PRKCA: variants seen among roughly 807,000 people sequenced by gnomAD.
PRKCA encodes protein kinase C alpha type.
PRKCA carries 27 observed loss-of-function variants against 87.0 expected under a neutral mutation model. The observed-to-expected ratio is 0.31, with a 90% confidence interval of 0.23 to 0.43. The LOEUF is 0.43. Among genes scored for constraint, PRKCA ranks in the 20% least tolerant of loss-of-function variants. The probability of loss-of-function intolerance (pLI) is 1.00; values close to 1 mark genes in which losing one functional copy is unlikely to be tolerated. For synonymous variants in PRKCA, 329 were observed against 311.1 expected (o/e 1.06, Z -0.61); for missense variants, 518 against 852.3 (o/e 0.61, Z 4.88).
At chr17:66,461,998 G>C (rs116842637) in intron 2 of PRKCA, among the ~76,000 whole-genome samples, 2,548 of 152,198 alleles carry the variant, frequency 0.017, 40 homozygotes, top group Non-Finnish European at 0.023. Flanking sequence ...TCCTGTTTCC[G>C]TGAACAGTGT....
chr17:66,503,699 A>T (rs1198352491), intron 3 of PRKCA, among the ~76,000 whole-genome samples: 2 of 152,232 alleles, frequency 1.3e-5, no homozygotes, highest in Admixed American at 1.3e-4. Context: ...CTCTTTCTCC[A>T]GTCCTTTTCA....
At chr17:66,370,551 T>A (rs1909041389) in intron 2 of PRKCA, among the ~76,000 whole-genome samples, 2 of 136,808 alleles carry the variant, frequency 1.5e-5, no homozygotes, top group South Asian at 4.7e-4. Context: ...TTTCTTTTCT[T>A]TTTTTTTTTT....
At chr17:66,762,610 C>G (rs1170443202) in intron 13 of PRKCA, among the ~76,000 whole-genome samples, 1 of 152,114 alleles carries the variant, frequency 6.6e-6, no homozygotes, top group Non-Finnish European at 1.5e-5. Context: ...TTCTCCCCTG[C>G]TGCGGGGCTT....
intron 8 of PRKCA, among the ~76,000 whole-genome samples, chr17:66,698,078 A>G (rs1309629117): frequency 3.3e-5 from 5 of 152,228 alleles, no homozygotes; most frequent in African/African-American, 1.2e-4. Context: ...TTATCCATAG[A>G]CAGGCTGACT....
chr17:66,698,081 G>C (rs1329266588), intron 8 of PRKCA, among the ~76,000 whole-genome samples: 1 of 152,214 alleles, frequency 6.6e-6, no homozygotes, highest in East Asian at 1.9e-4. Context: ...TCCATAGACA[G>C]GCTGACTGGT....
chr17:66,632,546 AT>A (rs907815960), intron 3 of PRKCA, among the ~76,000 whole-genome samples: 58 of 147,260 alleles, frequency 3.9e-4, no homozygotes, highest in Admixed American at 3.4e-4. Flanking sequence ...CCCCCAGCTA[AT>A]TTTTTTTTTT....
At chr17:66,559,095 T>C (rs969469642) in intron 3 of PRKCA, among the ~76,000 whole-genome samples, 6 of 152,142 alleles carry the variant, frequency 3.9e-5, no homozygotes, top group Non-Finnish European at 8.8e-5. Context: ...CTGTGACAGC[T>C]CTTGCACTGG....
chr17:66,755,978 C>G (rs1029737052), intron 13 of PRKCA, among the ~76,000 whole-genome samples: 2 of 152,182 alleles, frequency 1.3e-5, no homozygotes, highest in Non-Finnish European at 2.9e-5. Context: ...GAACAGAAAC[C>G]TCCCTGGCTA....
At chr17:66,741,612 C>T in intron 11 of PRKCA, 47 bp from the exon 12 acceptor site, 1 of 1,576,866 alleles carries the variant, frequency 6.3e-7, no homozygotes. Flanking sequence ...AGTATACAGG[C>T]ATCTAAGGAA....
intron 4 of PRKCA, among the ~76,000 whole-genome samples, chr17:66,643,023 A>G (rs1971349450): frequency 6.6e-6 from 1 of 152,182 alleles, no homozygotes; most frequent in Admixed American, 6.6e-5. Flanking sequence ...CTGGGCAAAC[A>G]AGAGTGAAAC....
intron 3 of PRKCA, among the ~76,000 whole-genome samples, chr17:66,596,199 T>C (rs1480665630): frequency 2.0e-5 from 3 of 152,222 alleles, no homozygotes; most frequent in African/African-American, 7.2e-5. Context: ...TAAACGTTAT[T>C]ATACTTCTTG....
At chr17:66,448,356 C>G (rs1282374454) in intron 2 of PRKCA, among the ~76,000 whole-genome samples, 2 of 152,114 alleles carry the variant, frequency 1.3e-5, no homozygotes, top group Non-Finnish European at 2.9e-5. Flanking sequence ...TTGTTGATAC[C>G]TGAAAATTGG....
chr17:66,561,676 G>A (rs993672095), intron 3 of PRKCA, among the ~76,000 whole-genome samples: 1 of 152,142 alleles, frequency 6.6e-6, no homozygotes, highest in Non-Finnish European at 1.5e-5. Context: ...TTGAACAGAT[G>A]AATGGATAAA....
chr17:66,710,808 T>C (rs1265630627), intron 8 of PRKCA, among the ~76,000 whole-genome samples: 2 of 151,508 alleles, frequency 1.3e-5, no homozygotes, highest in Non-Finnish European at 2.9e-5. Context: ...GGCAGGTGGA[T>C]CACCCGAGGT....
chr17:66,370,549 C>CTTTTTTTTTTTTTTTTTTTTT (rs555797425), intron 2 of PRKCA, among the ~76,000 whole-genome samples: 45 of 113,650 alleles, frequency 4.0e-4, no homozygotes, highest in Non-Finnish European at 6.2e-4. Flanking sequence ...CTTTTCTTTT[C>CTTTTTTTTTTTTTTTTTTTTT]TTTTTTTTTT....
chr17:66,658,493 AC>A (rs1447457582), intron 5 of PRKCA, among the ~76,000 whole-genome samples: 1,223 of 43,320 alleles, frequency 0.028, 16 homozygotes, highest in African/African-American at 0.12. Context: ...GTCTTCAAAA[AC>A]AACAACAACA....
At chr17:66,653,148 A>C (rs1445225386) in intron 5 of PRKCA, among the ~76,000 whole-genome samples, 2 of 152,208 alleles carry the variant, frequency 1.3e-5, no homozygotes, top group East Asian at 3.9e-4. Flanking sequence ...GTACACTTAC[A>C]TGGATGGGCA....
At chr17:66,377,487 A>T (rs990019683) in intron 2 of PRKCA, among the ~76,000 whole-genome samples, 2 of 149,776 alleles carry the variant, frequency 1.3e-5, no homozygotes. Context: ...ACGTGTATAT[A>T]TATACATGTA....
At position 66,645,514 on chromosome 17, in the gene PRKCA, A is replaced by G. The variant is rs1329945158; in HGVS notation, c.529+3A>G. ...TGATGAAAAGCTCCATGTCACAGGTAAGGCTTGCTCATCCCGGAGCAGCAT... is the reference window on the plus strand; with the variant it reads ...TGATGAAAAGCTCCATGTCACAGGTGAGGCTTGCTCATCCCGGAGCAGCAT... On this transcript the variant is annotated splice_donor_region_variant and intron_variant, in intron 5 of 16. Coordinates refer to ENST00000413366, the MANE Select transcript of PRKCA (RefSeq NM_002737.3). 1 of 1,614,162 alleles carries G rather than the reference A, an allele frequency of 6.2e-7. No homozygotes were observed. The highest frequency in any genetic ancestry group is 8.5e-7 in the Non-Finnish European group (1 of 1,180,002).
Sources: allele counts gnomAD v4.1 joint callset (sites outside exome capture counted in the v4.1 genomes callset), GRCh38; gene constraint gnomAD v4.1.1; transcripts MANE v1.5; gene names NCBI Gene and HGNC (gene_info 2026-07-23, HGNC 2026-07-21).